Variants in CTNND2 observed in about 807,000 individuals in gnomAD.
The protein encoded by CTNND2 is catenin delta-2.
CTNND2 carries 22 observed loss-of-function variants against 144.4 expected under a neutral mutation model. The ratio of observed to expected loss-of-function variants is 0.15; its 90% CI spans 0.11 to 0.22. The LOEUF is 0.22. CTNND2 is among the 10% of genes least tolerant of loss of function. CTNND2 has a pLI of 1.00. For synonymous variants in CTNND2, 751 were observed against 695.6 expected, an observed-to-expected ratio of 1.08 and a Z score of -1.25; for missense variants, 1,353 against 1,618.8, an observed-to-expected ratio of 0.84 and a Z score of 2.82.
chr5:11,289,520 T>A (rs1473860581), intron 9 of CTNND2, among the ~76,000 whole-genome samples: 1 of 152,234 alleles, frequency 6.6e-6, no homozygotes, highest in East Asian at 1.9e-4. Flanking sequence ...AAAATAGTCC[T>A]CTGCATCATG....
At chr5:11,250,570 T>TGTGGTG (rs1743522036) in intron 9 of CTNND2, among the ~76,000 whole-genome samples, 1 of 144,962 alleles carries the variant, frequency 6.9e-6, no homozygotes, top group Admixed American at 7.2e-5. Context: ...TAGGTTGGGG[T>TGTGGTG]GTGGTGGTGG....
At chr5:11,614,513 A>G (rs926480881) in intron 2 of CTNND2, among the ~76,000 whole-genome samples, 11 of 152,258 alleles carry the variant, frequency 7.2e-5, no homozygotes, top group African/African-American at 2.4e-4. Flanking sequence ...GCGTATTAAG[A>G]TGAATTTTAA....
intron 9 of CTNND2, among the ~76,000 whole-genome samples, chr5:11,302,681 G>A (rs2150035533): frequency 6.6e-6 from 1 of 152,270 alleles, no homozygotes; most frequent in African/African-American, 2.4e-5. Context: ...CCATGCTGAG[G>A]AGTCACAGGA....
At chr5:11,755,903 T>C (rs1788906909) in intron 1 of CTNND2, among the ~76,000 whole-genome samples, 1 of 151,606 alleles carries the variant, frequency 6.6e-6, no homozygotes, top group Admixed American at 6.6e-5. Flanking sequence ...TGATCTTTTT[T>C]CCTACCCTAT....
chr5:11,247,771 C>T (rs1335878664), intron 9 of CTNND2, among the ~76,000 whole-genome samples: 1 of 151,968 alleles, frequency 6.6e-6, no homozygotes, highest in African/African-American at 2.4e-5. Context: ...ATATTTAGGT[C>T]CTTTAGAAGA....
At chr5:11,168,854 A>G (rs912845733) in intron 11 of CTNND2, among the ~76,000 whole-genome samples, 1 of 152,152 alleles carries the variant, frequency 6.6e-6, no homozygotes, top group Non-Finnish European at 1.5e-5. Flanking sequence ...AGAGATTTAA[A>G]GACAAAATAC....
intron 2 of CTNND2, among the ~76,000 whole-genome samples, chr5:11,630,858 G>A (rs1781378232): frequency 6.6e-6 from 1 of 151,934 alleles, no homozygotes; most frequent in Admixed American, 6.6e-5. Flanking sequence ...GGAGGCTGAG[G>A]CAGGAGAATC....
chr5:11,860,889 C>T (rs1397399730), intron 1 of CTNND2, among the ~76,000 whole-genome samples: 1 of 152,200 alleles, frequency 6.6e-6, no homozygotes, highest in East Asian at 1.9e-4. Flanking sequence ...CTACACATTA[C>T]TATAACAGTA....
chr5:11,549,990 A>C (rs575792223), intron 3 of CTNND2, among the ~76,000 whole-genome samples: 7 of 152,320 alleles, frequency 4.6e-5, no homozygotes, highest in East Asian at 3.9e-4. Flanking sequence ...TTTCCTATCT[A>C]TTCACGCATA....
chr5:11,139,283 A>G (rs1189007131), intron 12 of CTNND2, among the ~76,000 whole-genome samples: 1 of 152,182 alleles, frequency 6.6e-6, no homozygotes, highest in Admixed American at 6.5e-5. Context: ...TGATCTGGAA[A>G]CCAAAAGAGG....
chr5:11,405,955 C>T (rs140277542), intron 5 of CTNND2, among the ~76,000 whole-genome samples: 1,877 of 152,184 alleles, frequency 0.012, 75 homozygotes, highest in East Asian at 0.12. Context: ...TCAACACCAG[C>T]CTGACCAACA....
intron 3 of CTNND2, among the ~76,000 whole-genome samples, chr5:11,555,089 G>GT (rs1288426560): frequency 6.6e-6 from 1 of 152,110 alleles, no homozygotes; most frequent in Admixed American, 6.6e-5. Context: ...TAAAATCACT[G>GT]TATGTTCATT....
chr5:11,446,974 C>G (rs6879993), intron 3 of CTNND2, among the ~76,000 whole-genome samples: 2,335 of 152,098 alleles, frequency 0.015, 62 homozygotes, highest in African/African-American at 0.053. Context: ...CCTATCCCCC[C>G]ACCTCAGTCC....
chr5:11,600,717 A>AAT (rs1554092493), intron 2 of CTNND2, among the ~76,000 whole-genome samples: 2 of 151,330 alleles, frequency 1.3e-5, no homozygotes, highest in African/African-American at 2.4e-5. Flanking sequence ...AAAAAAAAAA[A>AAT]AAAAAAAAAA....
At chr5:11,342,670 T>C (rs1243498333) in intron 9 of CTNND2, among the ~76,000 whole-genome samples, 2 of 152,218 alleles carry the variant, frequency 1.3e-5, no homozygotes, top group Non-Finnish European at 2.9e-5. Flanking sequence ...CCATGACTTT[T>C]ATTATTTGAT....
At chr5:11,031,010 C>T (rs1743411388) in intron 16 of CTNND2, among the ~76,000 whole-genome samples, 2 of 152,088 alleles carry the variant, frequency 1.3e-5, no homozygotes, top group African/African-American at 4.8e-5. Context: ...GTTTTCTGAG[C>T]ATGAGAGTTT....
chr5:11,590,187 A>G (rs1237882003), intron 2 of CTNND2, among the ~76,000 whole-genome samples: 1 of 151,702 alleles, frequency 6.6e-6, no homozygotes, highest in Non-Finnish European at 1.5e-5. Flanking sequence ...CAGGAACTAC[A>G]GGCGCCCGTC....
intron 3 of CTNND2, among the ~76,000 whole-genome samples, chr5:11,443,050 C>T (rs1313728242): frequency 6.6e-6 from 1 of 150,522 alleles, no homozygotes; most frequent in Non-Finnish European, 1.5e-5. Context: ...AATGAGTACA[C>T]CTCAACCAAA....
At chr5:11,864,277 T>C (rs147822826) in intron 1 of CTNND2, among the ~76,000 whole-genome samples, 87 of 152,114 alleles carry the variant, frequency 5.7e-4, no homozygotes, top group African/African-American at 2.0e-3. Context: ...AGCAGACAAA[T>C]GATGCTGTTC....
Sources: gnomAD v4.1 joint callset for allele counts (sites outside exome capture counted in the v4.1 genomes callset) on GRCh38, gnomAD v4.1.1 for gene constraint, MANE v1.5 for transcripts, NCBI Gene and HGNC (gene_info 2026-07-23, HGNC 2026-07-21) for gene names.